GPCPD1: variants seen among roughly 807,000 people sequenced by gnomAD.
GPCPD1 encodes the protein glycerophosphocholine phosphodiesterase GPCPD1.
In GPCPD1, 29 loss-of-function variants were observed where a neutral mutation model predicts 89.2. That is an observed-to-expected ratio of 0.33 (90% confidence interval 0.24 to 0.44). GPCPD1 has a LOEUF of 0.44. Among genes scored for constraint, GPCPD1 ranks in the 20% least tolerant of loss-of-function variants. The probability of loss-of-function intolerance (pLI) is 1.00; values close to 1 mark genes in which losing one functional copy is unlikely to be tolerated. For synonymous variants in GPCPD1, 258 were observed against 266.3 expected (o/e 0.97, Z 0.30); for missense variants, 594 against 808.9 (o/e 0.73, Z 3.22).
chr20:5,608,623 A>G (rs1195136290), intron 1 of GPCPD1, among the ~76,000 whole-genome samples: 1 of 15,410 alleles, frequency 6.5e-5, no homozygotes, highest in Non-Finnish European at 1.2e-4. Context: ...AACAAGGAAG[A>G]AAAAAAAAAA....
Position 5,584,319 on chromosome 20 carries a change from C to T in GPCPD1, c.311G>A (p.Ser104Asn). 7.2e-7 allele frequency: 1 copy of T among 1,391,470 alleles called. No homozygotes were observed. Among genetic ancestry groups the T allele is most frequent in the Admixed American group, 1.7e-5 (1 of 58,156 alleles). The allele number at this position is 1,391,470 out of a possible 1,614,324, so 86.2% of individuals were successfully genotyped here. Residue 104 changes from serine to asparagine, a missense_variant, in exon 6 of 20, where the codon AGC becomes AAC. Coordinates refer to ENST00000379019, the MANE Select transcript of GPCPD1 (RefSeq NM_019593.5). ...TTGTCCATCGTCAATAATAATTTCGCTTTCTAGAATTTAAGGAAAATAGAA... is the reference window on the plus strand; with the variant it reads ...TTGTCCATCGTCAATAATAATTTCGTTTTCTAGAATTTAAGGAAAATAGAA... ...LQPRSITPLESEIIIDDGQFG... is the reference protein window; with the variant it reads ...LQPRSITPLENEIIIDDGQFG...
At position 5,593,415 on chromosome 20, in the gene GPCPD1, T is replaced by A; in HGVS notation, c.147-4A>T. Reference sequence around the variant, plus strand: ...AATGGTTGCTTTCCATAGCATGCTGTGAAGAAAGAAAATTAAAAGCAGCAG... The same window carrying A: ...AATGGTTGCTTTCCATAGCATGCTGAGAAGAAAGAAAATTAAAAGCAGCAG... On this transcript the variant is annotated splice_region_variant and splice_polypyrimidine_tract_variant and intron_variant, in intron 3 of 19. Transcript: ENST00000379019. 1 of 1,531,098 alleles carries A rather than the reference T, an allele frequency of 6.5e-7. No individual in the cohort carries two copies. The highest frequency in any genetic ancestry group is 9.0e-7 in the Non-Finnish European group (1 of 1,106,880). The allele number at this position is 1,531,098 out of a possible 1,614,324, so 94.8% of individuals were successfully genotyped here. A position where few individuals can be genotyped will look rare whatever the true frequency, so the allele number is the denominator to read the frequency against.
In GPCPD1 at chr20:5,561,520, G is replaced by A. The variant is rs1329553929; in HGVS notation, c.1340C>T (p.Ser447Phe). 1 of 1,596,096 alleles carries A rather than the reference G, an allele frequency of 6.3e-7. No individual in the cohort carries two copies. Among genetic ancestry groups the A allele is most frequent in the Non-Finnish European group, 8.6e-7 (1 of 1,164,950 alleles). The change falls in exon 16 of 20, where the codon TCT becomes TTT. Residue 447 changes from serine (S) to phenylalanine (F), a missense_variant. By Grantham distance (155) the Ser-to-Phe change is radical (BLOSUM62 -2). Coordinates refer to ENST00000379019, the MANE Select transcript of GPCPD1 (RefSeq NM_019593.5). ...PFPSLKMVLE[S>F]LPEDVGFNIE... ...GTTAAACCCTACATCTTCTGGCAAA[G>A]ACTCTAAAACCTACAGTTTTGTTTG...
intron 7 of GPCPD1, among the ~76,000 whole-genome samples, chr20:5,579,806 G>T (rs1978335536): frequency 6.6e-6 from 1 of 152,178 alleles, no homozygotes; most frequent in Non-Finnish European, 1.5e-5. Flanking sequence ...ATGTTTTCTG[G>T]TTCTACATGT....
intron 19 of GPCPD1, among the ~76,000 whole-genome samples, chr20:5,550,426 G>GA (rs1318524228): frequency 6.6e-6 from 1 of 151,666 alleles, no homozygotes; most frequent in African/African-American, 2.4e-5. Flanking sequence ...AATTATTTTT[G>GA]AAAAAATTTT....
At position 5,586,266 on chromosome 20, in the gene GPCPD1, T is replaced by G; in HGVS notation, c.235A>C (p.Ile79Leu). ...FKGYFLEPKTIGGPCQVIVHK... is the reference protein window; with the variant it reads ...FKGYFLEPKTLGGPCQVIVHK... The stretch of plus-strand genomic sequence containing the variant: ...ACTATCACTTGACATGGACCACCGA[T>G]AGTCTGCAATTTAAAAGTTAAACGT... Residue 79 changes from isoleucine (I) to leucine (L), a missense_variant, in exon 5 of 20, where the codon ATC (isoleucine) becomes CTC (leucine). Coordinates refer to ENST00000379019, the MANE Select transcript of GPCPD1 (RefSeq NM_019593.5). The G allele has an allele frequency of 6.4e-7, 1 of 1,569,246 alleles. No individual in the cohort carries two copies. Among genetic ancestry groups the G allele is most frequent in the Non-Finnish European group, 8.8e-7 (1 of 1,139,808 alleles).
At chr20:5,567,600 T>TAAAG (rs1568652814) in intron 12 of GPCPD1, 40 bp from the exon 13 acceptor site, 1 of 1,485,834 alleles carries the variant, frequency 6.7e-7, no homozygotes, top group Admixed American at 2.3e-5. Flanking sequence ...AAAGAAAGAA[T>TAAAG]AAAGAAAATT....
intron 6 of GPCPD1, among the ~76,000 whole-genome samples, chr20:5,583,816 TAA>T (rs1478182047): frequency 6.6e-6 from 1 of 152,138 alleles, no homozygotes; most frequent in Non-Finnish European, 1.5e-5. Flanking sequence ...ATTTCAAACA[TAA>T]AAGAGGTAAA....
intron 17 of GPCPD1, among the ~76,000 whole-genome samples, chr20:5,559,523 T>G (rs1461588681): frequency 6.6e-6 from 1 of 152,226 alleles, no homozygotes; most frequent in Non-Finnish European, 1.5e-5. Context: ...AGGTCAGGGC[T>G]GCAGTGTCAT....
At chr20:5,554,653 C>A (rs1985648384) in intron 19 of GPCPD1, among the ~76,000 whole-genome samples, 1 of 152,180 alleles carries the variant, frequency 6.6e-6, no homozygotes, top group South Asian at 2.1e-4. Context: ...CCTGGTCACC[C>A]AAGAACTCTA....
intron 2 of GPCPD1, 72 bp from the exon 3 acceptor site, chr20:5,598,893 C>CATT: frequency 1.1e-6 from 1 of 941,828 alleles, no homozygotes; most frequent in Non-Finnish European, 1.7e-6. Context: ...GGGAAGTTTG[C>CATT]ATTAGTTCAA....
At chr20:5,549,531 C>A in intron 19 of GPCPD1, 2 of 1,014,614 alleles carry the variant, frequency 2.0e-6, no homozygotes, top group South Asian at 2.6e-5. Flanking sequence ...GAGACCAAGT[C>A]AAGCAATCGA....
At chr20:5,570,075 A>G in intron 12 of GPCPD1, 72 bp downstream of exon 12, 1 of 682,226 alleles carries the variant, frequency 1.5e-6, no homozygotes, top group Non-Finnish European at 2.6e-6. Flanking sequence ...AATTAAAAAT[A>G]TAAAAAAACT....
intron 11 of GPCPD1, among the ~76,000 whole-genome samples, chr20:5,572,460 T>G (rs1179210763): frequency 6.6e-6 from 1 of 152,158 alleles, no homozygotes; most frequent in African/African-American, 2.4e-5. Context: ...CAAAGCTAAG[T>G]TGTAAACCCA....
intron 15 of GPCPD1, 21 bp from the exon 16 acceptor site, chr20:5,561,551 A>T: frequency 6.6e-7 from 1 of 1,505,102 alleles, no homozygotes; most frequent in Non-Finnish European, 9.2e-7. Context: ...GTTTGTTGGT[A>T]AATTTTGTTT....
At chr20:5,588,320 C>A (rs1368610438) in intron 4 of GPCPD1, among the ~76,000 whole-genome samples, 1 of 151,360 alleles carries the variant, frequency 6.6e-6, no homozygotes, top group Non-Finnish European at 1.5e-5. Context: ...GCCTGGCCAA[C>A]ATAGTGAAAC....
chr20:5,569,534 C>G (rs1986589983), intron 12 of GPCPD1, among the ~76,000 whole-genome samples: 1 of 151,726 alleles, frequency 6.6e-6, no homozygotes, highest in Non-Finnish European at 1.5e-5. Flanking sequence ...CTCCATTCTT[C>G]TGGTCCCCTA....
intron 18 of GPCPD1, 137 bp from the exon 19 acceptor site, chr20:5,558,242 T>C (rs987839157): frequency 1.9e-6 from 1 of 515,342 alleles, no homozygotes; most frequent in African/African-American, 2.0e-5. Flanking sequence ...CCAATTACTT[T>C]AACTTATTCT....
chr20:5,591,781 C>T (rs1425767603), intron 4 of GPCPD1, among the ~76,000 whole-genome samples: 1 of 152,092 alleles, frequency 6.6e-6, no homozygotes, highest in Non-Finnish European at 1.5e-5. Flanking sequence ...AAAACTGTAG[C>T]CATATGCATG....
Sources: allele counts gnomAD v4.1 joint callset (sites outside exome capture counted in the v4.1 genomes callset), GRCh38; gene constraint gnomAD v4.1.1; transcripts MANE v1.5; gene names NCBI Gene and HGNC (gene_info 2026-07-23, HGNC 2026-07-21).